ACACA: variants seen among roughly 807,000 people sequenced by gnomAD.
The protein encoded by ACACA is acetyl-CoA carboxylase alpha.
In ACACA, 103 loss-of-function variants were observed where a neutral mutation model predicts 296.1. That is an observed-to-expected ratio of 0.35 (90% CI 0.30 to 0.41). ACACA has a LOEUF of 0.41. Among genes scored for constraint, ACACA ranks in the 10% least tolerant of loss-of-function variants. The pLI is 1.00. For missense variants in ACACA, 1,554 were observed against 2,989.7 expected, an observed-to-expected ratio of 0.52 and a Z score of 11.20; for synonymous variants, 953 against 1,038.6, an observed-to-expected ratio of 0.92 and a Z score of 1.58.
chr17:37,342,088 CA>C (rs2147345942), intron 1 of ACACA, among the ~76,000 whole-genome samples: 1 of 152,088 alleles, frequency 6.6e-6, no homozygotes, highest in East Asian at 1.9e-4. Context: ...AAATTGTTGA[CA>C]ATGCCAAATT....
chr17:37,245,310 C>G, intron 19 of ACACA, 96 bp from the exon 20 acceptor site: 5 of 1,278,054 alleles, frequency 3.9e-6, no homozygotes, highest in Non-Finnish European at 5.6e-6. Flanking sequence ...CTAAGTTGGA[C>G]CACACCTAAT....
intron 52 of ACACA, among the ~76,000 whole-genome samples, chr17:37,107,035 AAG>A (rs1489807151): frequency 6.6e-6 from 1 of 152,136 alleles, no homozygotes; most frequent in East Asian, 1.9e-4. Context: ...CTGCTAACAA[AAG>A]AGAGGAGGCA....
intron 30 of ACACA, 86 bp downstream of exon 30, chr17:37,210,381 G>A: frequency 8.1e-7 from 1 of 1,227,370 alleles, no homozygotes; most frequent in Non-Finnish European, 1.2e-6. Context: ...ATCTTGTCAA[G>A]TGTTGTGGTT....
At chr17:37,230,077 A>T (rs190308232) in intron 25 of ACACA, among the ~76,000 whole-genome samples, 86 of 150,676 alleles carry the variant, frequency 5.7e-4, no homozygotes, top group African/African-American at 1.8e-3. Flanking sequence ...AAAATAAAAT[A>T]AAATAAAATT....
chr17:37,148,231 A>T (rs536332213), intron 45 of ACACA, among the ~76,000 whole-genome samples: 4 of 140,334 alleles, frequency 2.9e-5, no homozygotes, highest in South Asian at 2.3e-4. Context: ...AGAGCAACTT[A>T]AAAAAAAAAA....
chr17:37,390,259 ATAAT>A (rs1454766252), intron 1 of ACACA, among the ~76,000 whole-genome samples: 2 of 68,068 alleles, frequency 2.9e-5, no homozygotes, highest in East Asian at 5.4e-4. Context: ...TATATTATAT[ATAAT>A]TATATATAAT....
intron 1 of ACACA, among the ~76,000 whole-genome samples, chr17:37,396,605 T>C (rs1295587189): frequency 6.6e-6 from 1 of 152,164 alleles, no homozygotes; most frequent in Non-Finnish European, 1.5e-5. Context: ...TTTTGGATGC[T>C]TTCTAATCAC....
Position 37,143,475 on chromosome 17 carries a change from G to T in ACACA, c.5679+6389C>A. ...CAACCCCCATCCTGTACCAGGCAAG[G>T]TTAGTGGCTATGAAAATACCACCAG... On this transcript the variant is annotated intron_variant, in intron 45 of 55. Transcript: ENST00000616317. 4 of 289,924 alleles carry T rather than the reference G, an allele frequency of 1.4e-5. No homozygotes were observed. The South Asian group carries it at 1.8e-4, about 13-fold the overall frequency. 18.0% of individuals were successfully genotyped at this position (289,924 alleles called of 1,614,324 possible). A position where few individuals can be genotyped will look rare whatever the true frequency, so the allele number is the denominator to read the frequency against.
At position 37,097,447 on chromosome 17, in the gene ACACA, C is replaced by G. The variant is rs528096420; in HGVS notation, c.6721-281G>C. ...AAGAGGCTGTGAGTTCCCAGATAAC[C>G]AGACAAGGATAAATTCGTTTTGAGA... On this transcript the variant is annotated intron_variant, in intron 53 of 55. Coordinates refer to ENST00000616317, the MANE Select transcript of ACACA (RefSeq NM_198834.3). The surrounding 1 kb of genome is among the most constrained non-coding windows in gnomAD (Gnocchi z 4.8). 5.9e-5 allele frequency among the ~76,000 whole-genome samples: 9 copies of G among 152,298 alleles called. No individual in the cohort carries two copies. Among genetic ancestry groups the G allele is most frequent in the African/African-American group, 2.2e-4 (9 of 41,556 alleles).
intron 55 of ACACA, among the ~76,000 whole-genome samples, chr17:37,088,169 T>G (rs979380054): frequency 6.6e-6 from 1 of 152,186 alleles, no homozygotes; most frequent in African/African-American, 2.4e-5. Flanking sequence ...TGAGCAATGT[T>G]CTACAGATGG....
At chr17:37,271,696 G>A (rs565286847) in intron 9 of ACACA, among the ~76,000 whole-genome samples, 11 of 151,798 alleles carry the variant, frequency 7.2e-5, no homozygotes, top group Non-Finnish European at 1.0e-4. Flanking sequence ...GGGGTTGGGC[G>A]TAGTGGCTCG....
At chr17:37,254,247 C>G (rs1368775046) in intron 14 of ACACA, among the ~76,000 whole-genome samples, 1 of 152,142 alleles carries the variant, frequency 6.6e-6, no homozygotes, top group African/African-American at 2.4e-5. Flanking sequence ...ATTCATCTCC[C>G]TACAGTTTCA....
chr17:37,390,304 T>TTATATA (rs1189193698), intron 1 of ACACA, among the ~76,000 whole-genome samples: 670 of 17,954 alleles, frequency 0.037, 27 homozygotes, highest in South Asian at 0.074. Context: ...TTATACATAA[T>TTATATA]TATATATATA....
At chr17:37,161,521 A>AT in intron 42 of ACACA, 1 of 554,110 alleles carries the variant, frequency 1.8e-6, no homozygotes, top group South Asian at 2.4e-5. Context: ...CACTAAATGC[A>AT]TACCTACTAT....
rs542225040 is a variant in ACACA at position 37,161,847 on chromosome 17, G to A, written c.5283C>T (p.Ile1761=). The change falls in exon 42 of 56, where the codon ATC becomes ATT. Residue 1761 remains isoleucine (I), a synonymous_variant. Transcript: ENST00000616317. Reference sequence around the variant, plus strand: ...TATGGCGAATTTCTTCTGCCAGTCCGATTCTTGCTCCACTGTTGGCTGATA... The same window carrying A: ...TATGGCGAATTTCTTCTGCCAGTCCAATTCTTGCTCCACTGTTGGCTGATA... ...IYVSANSGAR[I]GLAEEIRHMF... is the part of the protein sequence containing the mutation. 7.4e-6 allele frequency: 12 copies of A among 1,614,062 alleles called. No homozygotes were observed. The highest frequency in any genetic ancestry group is 5.5e-5 in the South Asian group (5 of 91,072).
chr17:37,146,834 C>T (rs983726511), intron 45 of ACACA, among the ~76,000 whole-genome samples: 3 of 147,894 alleles, frequency 2.0e-5, no homozygotes, highest in Non-Finnish European at 4.5e-5. Context: ...TTCAGTCCCC[C>T]CCAAAACCCC....
rs2080421928 is a variant in ACACA at position 37,241,782 on chromosome 17, G to A, written c.3032+171C>T. The stretch of plus-strand genomic sequence containing the variant: ...AAGAAGTCAGAAATATTGAGCATGA[G>A]AGTTAGCTCACAATTCTAAGATATT... On this transcript the variant is annotated intron_variant, in intron 23 of 55. Coordinates refer to ENST00000616317, the MANE Select transcript of ACACA (RefSeq NM_198834.3). 2.0e-5 allele frequency among the ~76,000 whole-genome samples: 3 copies of A among 152,128 alleles called. No homozygotes were observed. The South Asian group carries it at 6.2e-4, about 31-fold the overall frequency.
intron 19 of ACACA, 49 bp from the exon 20 acceptor site, chr17:37,245,263 T>A: frequency 6.2e-7 from 1 of 1,603,100 alleles, no homozygotes; most frequent in Admixed American, 1.7e-5. Flanking sequence ...TTTACACAGA[T>A]GAGTGCTTAA....
chr17:37,322,452 G>A (rs771082666), intron 3 of ACACA, among the ~76,000 whole-genome samples: 2 of 152,126 alleles, frequency 1.3e-5, no homozygotes, highest in Non-Finnish European at 2.9e-5. Flanking sequence ...TATTGATATG[G>A]GAAGGGGACA....
Sources: gnomAD v4.1 joint callset for allele counts (sites outside exome capture counted in the v4.1 genomes callset) on GRCh38, gnomAD v4.1.1 for gene constraint, Gnocchi (gnomAD v3.1) non-coding constraint, MANE v1.5 for transcripts, NCBI Gene and HGNC (gene_info 2026-07-23, HGNC 2026-07-21) for gene names.